Variants in C11orf65 observed in about 807,000 individuals in gnomAD.
C11orf65 encodes chromosome 11 open reading frame 65, also known as protein MFI.
A neutral mutation model predicts 35.3 loss-of-function variants in C11orf65; 38 were observed. That is an observed-to-expected ratio of 1.08 (90% CI 0.83 to 1.41). The LOEUF is 1.41. C11orf65 is among the 40% of genes most tolerant of loss of function. C11orf65 has a pLI of 0.00. For missense variants in C11orf65, 370 were observed against 367.1 expected, an observed-to-expected ratio of 1.01 and a Z score of -0.06; for synonymous variants, 105 against 114.4, an observed-to-expected ratio of 0.92 and a Z score of 0.53.
In C11orf65 at chr11:108,335,060, TAA is replaced by T. The variant is rs1064793406; in HGVS notation, c.299+158_299+159del. 6.2e-7 allele frequency: 1 copy of T among 1,614,100 alleles called. No individual in the cohort carries two copies. The highest frequency in any genetic ancestry group is 8.5e-7 in the Non-Finnish European group (1 of 1,179,990). ...GCAGGAGGTGTAAATTTACCAAAAA[TAA>T]TAGATTGTGTAGGTTCCGATGGCAA... On this transcript the variant is annotated intron_variant, in intron 3 of 3. Coordinates refer to the C11orf65 transcript ENST00000524755.
At chr11:108,343,473 A>G (rs932951412) in intron 2 of C11orf65, 5 of 1,396,530 alleles carry the variant, frequency 3.6e-6, no homozygotes, top group Middle Eastern at 2.3e-4. Context: ...CTTTAATTTC[A>G]TCAGGTAATT....
intron 2 of C11orf65, among the ~76,000 whole-genome samples, chr11:108,342,692 A>C (rs1229778262): frequency 6.6e-6 from 1 of 152,162 alleles, no homozygotes; most frequent in Non-Finnish European, 1.5e-5. Flanking sequence ...TTTATAATAT[A>C]ATTTTAAAAA....
chr11:108,400,972 G>A lies in C11orf65; in HGVS notation c.560+4457C>T, dbSNP rs184582946. Among the ~76,000 whole-genome samples the A allele has an allele frequency of 5.0e-3, 756 of 152,194 alleles. 2 individuals carry two copies. Among genetic ancestry groups the A allele is most frequent in the Admixed American group, 0.012 (178 of 15,286 alleles). ...ATACAAAAAAAAATTAGCCAGGCAT[G>A]GTGGCACATGCCTGTTATCCCAGCT... On this transcript the variant is annotated intron_variant, in intron 6 of 8. Coordinates refer to ENST00000393084, the MANE Select transcript of C11orf65 (RefSeq NM_152587.5).
intron 1 of C11orf65, among the ~76,000 whole-genome samples, chr11:108,465,732 C>G (rs1591631152): frequency 6.6e-6 from 1 of 151,532 alleles, no homozygotes; most frequent in East Asian, 1.9e-4. Flanking sequence ...CGCCTGTAAT[C>G]CCAGCACTTT....
chr11:108,429,471 A>G (rs79917372), intron 3 of C11orf65, among the ~76,000 whole-genome samples: 3,496 of 152,348 alleles, frequency 0.023, 103 homozygotes, highest in African/African-American at 0.073. Flanking sequence ...CAGAGTGAAA[A>G]AAAGATGCAA....
intron 6 of C11orf65, among the ~76,000 whole-genome samples, chr11:108,397,741 A>G (rs2092350904): frequency 6.6e-6 from 1 of 152,224 alleles, no homozygotes; most frequent in Non-Finnish European, 1.5e-5. Context: ...CTGCAACTCT[A>G]TGAAAAGGAA....
In C11orf65 at chr11:108,406,981, C is replaced by A; in HGVS notation, c.229-18G>T. The stretch of plus-strand genomic sequence containing the variant: ...AATTTAACCTGTAGAAGGAAAAGTT[C>A]AAAGAGCCATTGTAATGTAACTACA... On this transcript the variant is annotated intron_variant, in intron 4 of 8. Coordinates refer to ENST00000393084, the MANE Select transcript of C11orf65 (RefSeq NM_152587.5). 1 of 1,586,942 alleles carries A rather than the reference C, an allele frequency of 6.3e-7. No individual in the cohort carries two copies. The highest frequency in any genetic ancestry group is 1.1e-5 in the South Asian group (1 of 89,774).
At chr11:108,421,872 T>C (rs2138900272) in intron 3 of C11orf65, among the ~76,000 whole-genome samples, 2 of 152,312 alleles carry the variant, frequency 1.3e-5, no homozygotes, top group Middle Eastern at 3.4e-3. Flanking sequence ...ATTAAAAGCA[T>C]TCCCCTGGTT....
At position 108,369,259 on chromosome 11, in the gene C11orf65, C is replaced by T. The variant is rs74997110; in HGVS notation, c.226+23949G>A. On this transcript the variant is annotated intron_variant, in intron 2 of 3. Transcript: ENST00000524755. ...AGGCAACTGACCACGCAGTGTGAAC[C>T]GGGGAGCCTATTGCACAACCAGTCT... Among the ~76,000 whole-genome samples, 477 of 152,246 alleles carry T rather than the reference C, an allele frequency of 3.1e-3. 1 individual carries two copies. Among genetic ancestry groups the T allele is most frequent in the African/African-American group, 0.011 (459 of 41,534 alleles).
chr11:108,368,844 C>A lies in C11orf65; in HGVS notation c.226+24364G>T, dbSNP rs571703745. ...CCTAAAATGTATGCACTTAGGAATG[C>A]TAAAAATTTAAATATGGTCTAAAGC... On this transcript the variant is annotated intron_variant, in intron 2 of 3. Coordinates refer to the C11orf65 transcript ENST00000524755. The A allele has an allele frequency of 3.5e-5, 7 of 201,494 alleles. No homozygotes were observed. The East Asian group carries it at 4.6e-4, about 13-fold the overall frequency. 12.5% of individuals were successfully genotyped at this position (201,494 alleles called of 1,614,324 possible).
chr11:108,450,833 G>A (rs1017362907), intron 2 of C11orf65, among the ~76,000 whole-genome samples: 5 of 151,668 alleles, frequency 3.3e-5, no homozygotes, highest in African/African-American at 7.3e-5. Flanking sequence ...TTCATCCCTG[G>A]GATGCAAGGC....
At chr11:108,313,730 A>G (rs1398834155) in intron 6 of C11orf65, among the ~76,000 whole-genome samples, 1 of 152,210 alleles carries the variant, frequency 6.6e-6, no homozygotes. Flanking sequence ...ATTTCACGTT[A>G]TGAATAGAAA....
At chr11:108,363,953 G>C (rs990148385) in intron 2 of C11orf65, among the ~76,000 whole-genome samples, 1 of 152,098 alleles carries the variant, frequency 6.6e-6, no homozygotes, top group Non-Finnish European at 1.5e-5. Context: ...GGTGAAACTG[G>C]TTTGGATCTC....
At position 108,317,642 on chromosome 11, in the gene C11orf65, TATATATATATACACAC is replaced by T. The variant is rs1177264564; in HGVS notation, c.641-8587_641-8572del. On this transcript the variant is annotated intron_variant, in intron 6 of 6. Transcript: ENST00000525729. ...ATATATATATATATATATATATATA[TATATATATATACACAC>T]ACACACACACACACACTATATATAT... 5.7e-4 allele frequency: 98 copies of T among 170,988 alleles called. 1 individual carries two copies. The highest frequency in any genetic ancestry group is 4.7e-3 in the Middle Eastern group (2 of 428). The allele number at this position is 170,988 out of a possible 1,614,324, so 10.6% of individuals were successfully genotyped here. A position where few individuals can be genotyped will look rare whatever the true frequency, so the allele number is the denominator to read the frequency against.
At chr11:108,374,058 G>C (rs1288511207) in intron 2 of C11orf65, among the ~76,000 whole-genome samples, 2 of 152,206 alleles carry the variant, frequency 1.3e-5, no homozygotes, top group Admixed American at 6.5e-5. Context: ...ACAGCTCAAG[G>C]AGGCCTGCCT....
chr11:108,327,407 TA>T (rs2085781932), downstream of C11orf65: 3 of 460,112 alleles, frequency 6.5e-6, no homozygotes, highest in Non-Finnish European at 1.2e-5. Context: ...CATATATAAG[TA>T]CTCAATAAAT....
At chr11:108,362,828 T>G (rs1231358190) in intron 2 of C11orf65, among the ~76,000 whole-genome samples, 2 of 145,614 alleles carry the variant, frequency 1.4e-5, no homozygotes, top group Admixed American at 6.8e-5. Flanking sequence ...AGGGATAGCA[T>G]TGGGAGATAT....
Position 108,334,874 on chromosome 11 carries a change from CT to C in C11orf65, c.299+345del, listed in dbSNP as rs2086659456. ...CACTATCACATCGTCATTTGTTTCT[CT>C]GTTTAATATTAAAATTGCCATTTAT... On this transcript the variant is annotated intron_variant, in intron 3 of 3. Transcript: ENST00000524755. The C allele has an allele frequency of 2.8e-6, 4 of 1,407,728 alleles. 1 individual carries two copies. In the Admixed American group the frequency reaches 7.0e-5, roughly 25 times the overall value. 87.2% of individuals were successfully genotyped at this position (1,407,728 alleles called of 1,614,324 possible).
intron 1 of C11orf65, among the ~76,000 whole-genome samples, chr11:108,465,993 A>C (rs1193127409): frequency 6.9e-6 from 1 of 145,678 alleles, no homozygotes; most frequent in Admixed American, 6.7e-5. Flanking sequence ...AAAAAAAAAA[A>C]AAAACAACAA....
Sources: allele counts gnomAD v4.1 joint callset (sites outside exome capture counted in the v4.1 genomes callset), GRCh38; gene constraint gnomAD v4.1.1; transcripts MANE v1.5; gene names NCBI Gene and HGNC (gene_info 2026-07-23, HGNC 2026-07-21).